The following SUMF1 variants were observed in gnomAD, a reference collection of about 807,000 sequenced individuals.
SUMF1 encodes formylglycine-generating enzyme.
In SUMF1, 48 loss-of-function variants were observed where a neutral mutation model predicts 47.6. The ratio of observed to expected loss-of-function variants is 1.01; its 90% CI spans 0.80 to 1.28. The LOEUF (loss-of-function observed/expected upper bound fraction) is 1.28, where lower values mean the gene tolerates loss of function less well. SUMF1 is among the 50% of genes most tolerant of loss of function. The pLI is 0.00. For missense variants in SUMF1, 571 were observed against 485.4 expected (o/e 1.18, Z -1.66); for synonymous variants, 230 against 192.1 (o/e 1.20, Z -1.63).
At chr3:4,368,014 C>T (rs2125195489) in intron 8 of SUMF1, among the ~76,000 whole-genome samples, 1 of 152,004 alleles carries the variant, frequency 6.6e-6, no homozygotes, top group Non-Finnish European at 1.5e-5. Flanking sequence ...AGAGCTTCTG[C>T]ACAGCAAAAG....
intron 3 of SUMF1, among the ~76,000 whole-genome samples, chr3:4,446,935 G>T (rs566858520): frequency 6.6e-6 from 1 of 152,180 alleles, no homozygotes; most frequent in Non-Finnish European, 1.5e-5. Context: ...AACTTTGCAT[G>T]TACACCTGGG....
chr3:4,200,688 A>G (rs1401180905), intron 8 of SUMF1, among the ~76,000 whole-genome samples: 1 of 152,086 alleles, frequency 6.6e-6, no homozygotes, highest in African/African-American at 2.4e-5. Flanking sequence ...TGCATGAGGC[A>G]ATTTCCTTTA....
chr3:4,150,903 G>C (rs1694304092), intron 8 of SUMF1, among the ~76,000 whole-genome samples: 1 of 151,350 alleles, frequency 6.6e-6, no homozygotes. Flanking sequence ...ATAGGCTTTA[G>C]CTGTCTCCCT....
intron 8 of SUMF1, among the ~76,000 whole-genome samples, chr3:4,369,438 T>C (rs538426641): frequency 3.0e-4 from 45 of 152,290 alleles, no homozygotes; most frequent in Middle Eastern, 3.4e-3. Context: ...CGGGCTGCTG[T>C]GAAACAACAG....
intron 8 of SUMF1, among the ~76,000 whole-genome samples, chr3:4,197,800 G>A (rs774879646): frequency 2.0e-5 from 3 of 151,982 alleles, no homozygotes; most frequent in Non-Finnish European, 2.9e-5. Context: ...CAAGCAAAAC[G>A]CGCCTTGTGC....
chr3:4,220,361 G>C (rs1325846959), intron 8 of SUMF1, among the ~76,000 whole-genome samples: 1 of 152,138 alleles, frequency 6.6e-6, no homozygotes, highest in Non-Finnish European at 1.5e-5. Flanking sequence ...TAAACTTCCA[G>C]TAGCGATGTC....
chr3:4,196,222 G>A (rs1297906014), intron 8 of SUMF1, among the ~76,000 whole-genome samples: 1 of 152,060 alleles, frequency 6.6e-6, no homozygotes, highest in East Asian at 1.9e-4. Flanking sequence ...TTTCCTTCAT[G>A]GAACCAGGTT....
intron 8 of SUMF1, among the ~76,000 whole-genome samples, chr3:4,202,739 C>G (rs1695567836): frequency 6.6e-6 from 1 of 151,898 alleles, no homozygotes; most frequent in South Asian, 2.1e-4. Context: ...AGTCCATGAA[C>G]TTTTACTGTA....
chr3:4,409,560 C>T (rs961016726), intron 7 of SUMF1, among the ~76,000 whole-genome samples: 3 of 152,176 alleles, frequency 2.0e-5, no homozygotes, highest in Admixed American at 6.6e-5. Context: ...CATGCAGATG[C>T]TTTTATCTGA....
chr3:4,316,652 A>G, intron 8 of SUMF1: 5 of 1,551,232 alleles, frequency 3.2e-6, no homozygotes, highest in Non-Finnish European at 4.4e-6. Flanking sequence ...ACAACGAACC[A>G]TTTCTCGATC....
At chr3:4,091,725 T>C (rs530429863) in intron 8 of SUMF1, among the ~76,000 whole-genome samples, 1 of 151,988 alleles carries the variant, frequency 6.6e-6, no homozygotes, top group Non-Finnish European at 1.5e-5. Flanking sequence ...GCAGGACCAG[T>C]TTGTGCAACC....
At chr3:4,217,963 T>G (rs1169896699) in intron 8 of SUMF1, among the ~76,000 whole-genome samples, 1 of 152,104 alleles carries the variant, frequency 6.6e-6, no homozygotes, top group African/African-American at 2.4e-5. Flanking sequence ...CTTGAAATCC[T>G]GTTACTTCAG....
At position 4,075,211 on chromosome 3, in the gene SUMF1, C is replaced by T. The variant is rs184605297; in HGVS notation, c.1015-6466G>A. On this transcript the variant is annotated intron_variant and NMD_transcript_variant, in intron 8 of 12. Coordinates refer to the SUMF1 transcript ENST00000448413. ...ACATACATAAGTCAATAAACATAAT[C>T]CATCACATAAACAGAACCAACGACA... Among the ~76,000 whole-genome samples, 3 of 152,190 alleles carry T rather than the reference C, an allele frequency of 2.0e-5. No homozygotes were observed. The East Asian group carries it at 5.8e-4, about 29-fold the overall frequency.
At chr3:4,371,702 C>T (rs79584844) in intron 8 of SUMF1, among the ~76,000 whole-genome samples, 2,319 of 152,302 alleles carry the variant, frequency 0.015, 21 homozygotes, top group Non-Finnish European at 0.021. Context: ...TGAGTACTTA[C>T]TATGTGAACT....
At chr3:4,313,838 A>G (rs1218286352) in intron 8 of SUMF1, 1 of 1,586,894 alleles carries the variant, frequency 6.3e-7, no homozygotes, top group South Asian at 1.1e-5. Flanking sequence ...ACCTCTGCCT[A>G]GTTACATAAG....
chr3:4,202,702 G>A (rs540078376), intron 8 of SUMF1, among the ~76,000 whole-genome samples: 10 of 152,020 alleles, frequency 6.6e-5, no homozygotes, highest in African/African-American at 2.4e-4. Flanking sequence ...TGAATAGTAT[G>A]GATGTTTTAA....
intron 8 of SUMF1, among the ~76,000 whole-genome samples, chr3:4,330,335 C>A (rs966055575): frequency 6.6e-6 from 1 of 152,170 alleles, no homozygotes; most frequent in Non-Finnish European, 1.5e-5. Context: ...CTAATAAAGA[C>A]ATGCCTGAGA....
In SUMF1 at chr3:4,083,076, G is replaced by A. The variant is rs139883188; in HGVS notation, c.1015-14331C>T. On this transcript the variant is annotated intron_variant and NMD_transcript_variant, in intron 8 of 12. Coordinates refer to the SUMF1 transcript ENST00000448413. ...CATTAGAGACAATGGCAGGCCCTCCGGCTAGATCAAAGTGCACCCCGTGGA... is the reference window on the plus strand; with the variant it reads ...CATTAGAGACAATGGCAGGCCCTCCAGCTAGATCAAAGTGCACCCCGTGGA... Among the ~76,000 whole-genome samples the A allele has an allele frequency of 4.8e-3, 734 of 152,142 alleles. 12 individuals are homozygous for A. The highest frequency in any genetic ancestry group is 0.017 in the African/African-American group (698 of 41,470).
intron 8 of SUMF1, among the ~76,000 whole-genome samples, chr3:4,087,098 C>A (rs150326114): frequency 6.6e-6 from 1 of 152,238 alleles, no homozygotes; most frequent in Non-Finnish European, 1.5e-5. Flanking sequence ...AAAGAGCGAT[C>A]ACTAAATAAT....
Sources: gnomAD v4.1 joint callset for allele counts (sites outside exome capture counted in the v4.1 genomes callset) on GRCh38, gnomAD v4.1.1 for gene constraint, MANE v1.5 for transcripts, NCBI Gene and HGNC (gene_info 2026-07-23, HGNC 2026-07-21) for gene names.